OXNAD1: variants seen among roughly 807,000 people sequenced by gnomAD.
The protein encoded by OXNAD1 is oxidoreductase NAD binding domain containing 1.
In OXNAD1, 34 loss-of-function variants were observed where a neutral mutation model predicts 32.9. That is an observed-to-expected ratio of 1.03 (90% confidence interval 0.79 to 1.38). OXNAD1 has a LOEUF of 1.38. OXNAD1 is among the 40% of genes most tolerant of loss of function. OXNAD1 has a pLI of 0.00. For synonymous variants in OXNAD1, 134 were observed against 135.2 expected, an observed-to-expected ratio of 0.99 and a Z score of 0.06; for missense variants, 407 against 379.4, an observed-to-expected ratio of 1.07 and a Z score of -0.60.
Position 16,342,744 on chromosome 3 carries a change from G to A in OXNAD1, c.*31-6432G>A, listed in dbSNP as rs1014317173. Among the ~76,000 whole-genome samples, 14 of 152,202 alleles carry A rather than the reference G, an allele frequency of 9.2e-5. No homozygotes were observed. Among genetic ancestry groups the A allele is most frequent in the African/African-American group, 3.4e-4 (14 of 41,456 alleles). On this transcript the variant is annotated intron_variant, in intron 9 of 9. Transcript: ENST00000606098. This position sits in a 1 kb window ranked among gnomAD's most constrained non-coding sequence, Gnocchi z 4.0. ...TCACCCGAAAAGGATGTTTAAAGAGGCCACTGATTTAAAAGCTCTGTGTCA... is the reference window on the plus strand; with the variant it reads ...TCACCCGAAAAGGATGTTTAAAGAGACCACTGATTTAAAAGCTCTGTGTCA...
downstream of OXNAD1, chr3:16,339,731 C>T (rs901654785): frequency 2.6e-5 from 4 of 152,198 alleles, no homozygotes; most frequent in East Asian, 1.9e-4. Flanking sequence ...CTTGGTGCTT[C>T]GTTTTTCTGC....
In OXNAD1 at chr3:16,312,465, C is replaced by T. The variant is rs1275689828; in HGVS notation, c.*30+8873C>T. Reference sequence around the variant, plus strand: ...GTGCCGAGCTTCTCCTGGCCACACACACCAGTCATCCTCACCCTTCCCGTC... The same window carrying T: ...GTGCCGAGCTTCTCCTGGCCACACATACCAGTCATCCTCACCCTTCCCGTC... On this transcript the variant is annotated intron_variant, in intron 9 of 9. Transcript: ENST00000435829. The surrounding 1 kb of genome is among the most constrained non-coding windows in gnomAD (Gnocchi z 4.7). Among the ~76,000 whole-genome samples the T allele has an allele frequency of 6.6e-6, 1 of 152,194 alleles. No homozygotes were observed. The highest frequency in any genetic ancestry group is 2.4e-5 in the African/African-American group (1 of 41,466).
Position 16,265,238 on chromosome 3 carries a change from T to G in OXNAD1, c.-426T>G. 1 of 250,716 alleles carries G rather than the reference T, an allele frequency of 4.0e-6. No homozygotes were observed. The highest frequency in any genetic ancestry group is 7.8e-6 in the Non-Finnish European group (1 of 128,054). The allele number at this position is 250,716 out of a possible 1,614,324, so 15.5% of individuals were successfully genotyped here. On this transcript the variant is annotated 5_prime_UTR_variant, in exon 1 of 9. Coordinates refer to ENST00000285083, the MANE Select transcript of OXNAD1 (RefSeq NM_138381.5). This position sits in a 1 kb window ranked among gnomAD's most constrained non-coding sequence, Gnocchi z 4.8. Reference sequence around the variant, plus strand: ...TATTCCAGGCGCCTGCAACTAAACGTGGCCGGGTCTGCAAGCTAGGTGCCA... The same window carrying G: ...TATTCCAGGCGCCTGCAACTAAACGGGGCCGGGTCTGCAAGCTAGGTGCCA...
In OXNAD1 at chr3:16,271,070, AGG is replaced by A. The variant is rs2064897436; in HGVS notation, c.119_119+1del. 6.2e-7 allele frequency: 1 copy of A among 1,613,610 alleles called. No homozygotes were observed. The highest frequency in any genetic ancestry group is 1.3e-5 in the African/African-American group (1 of 74,902). ...CACTTTGCGCCACCTTACTCTAACC[AGG>A]TGAGTCATTAAGACTTCTGTGTCAT... is the stretch of plus-strand genomic sequence containing the variant. On this transcript the variant is annotated splice_donor_variant and coding_sequence_variant, in exon 3 of 9. Transcript: ENST00000285083. LOFTEE classifies it high-confidence loss of function. The surrounding 1 kb of genome is among the most constrained non-coding windows in gnomAD (Gnocchi z 4.6).
At chr3:16,308,492 C>T (rs2067724816), downstream of OXNAD1, among the ~76,000 whole-genome samples, 1 of 152,122 alleles carries the variant, frequency 6.6e-6, no homozygotes, top group Non-Finnish European at 1.5e-5. The surrounding 1 kb of genome is among the most constrained non-coding windows in gnomAD (Gnocchi z 4.4). Flanking sequence ...GCAATTTCCT[C>T]CATTCCTGGT....
chr3:16,323,863 C>T (rs1242643771), intron 9 of OXNAD1, among the ~76,000 whole-genome samples: 3 of 152,184 alleles, frequency 2.0e-5, no homozygotes, highest in South Asian at 4.1e-4. Context: ...CCAGCTGCTA[C>T]AGGACAGTGG....
At chr3:16,324,646 TTGTGTGTGTGTGTGTGTGTGTG>T (rs71632869) in intron 9 of OXNAD1, among the ~76,000 whole-genome samples, 6 of 100,474 alleles carry the variant, frequency 6.0e-5, no homozygotes, top group Admixed American at 1.1e-4. Flanking sequence ...TAGTATTCCA[TTGTGTGTGTGTGTGTGTGTGTG>T]TGTGTGTGTG....
In OXNAD1 at chr3:16,342,970, C is replaced by G. The variant is rs1055490646; in HGVS notation, c.*31-6206C>G. On this transcript the variant is annotated intron_variant, in intron 9 of 9. Transcript: ENST00000606098. This position sits in a 1 kb window ranked among gnomAD's most constrained non-coding sequence, Gnocchi z 4.0. Reference sequence around the variant, plus strand: ...GCCTCCCACTACAGCCCCTCTGAGTCGCTGGGAATACAGGCACACACCACC... The same window carrying G: ...GCCTCCCACTACAGCCCCTCTGAGTGGCTGGGAATACAGGCACACACCACC... 6.6e-6 allele frequency among the ~76,000 whole-genome samples: 1 copy of G among 152,110 alleles called. No homozygotes were observed. The highest frequency in any genetic ancestry group is 1.5e-5 in the Non-Finnish European group (1 of 68,010).
chr3:16,313,200 A>C (rs1575187549), intron 9 of OXNAD1, among the ~76,000 whole-genome samples: 1 of 97,778 alleles, frequency 1.0e-5, no homozygotes, highest in Admixed American at 9.4e-5. Context: ...CACCACACCC[A>C]GCGGATTTTT....
chr3:16,329,905 C>T lies in OXNAD1; in HGVS notation c.*31-7207C>T, dbSNP rs917392073. Among the ~76,000 whole-genome samples the T allele has an allele frequency of 4.6e-5, 7 of 152,094 alleles. No homozygotes were observed. Among genetic ancestry groups the T allele is most frequent in the Admixed American group, 2.0e-4 (3 of 15,260 alleles). On this transcript the variant is annotated intron_variant, in intron 9 of 9. Transcript: ENST00000435829. This position sits in a 1 kb window ranked among gnomAD's most constrained non-coding sequence, Gnocchi z 4.5. ...TGCATCTCGGGCCAGGTTTTCTCTG[C>T]GGGCACCCAGAGCTGCGAGACAATG...
chr3:16,268,789 A>G (rs754190026), intron 1 of OXNAD1, among the ~76,000 whole-genome samples: 2 of 152,194 alleles, frequency 1.3e-5, no homozygotes, highest in South Asian at 2.1e-4. Flanking sequence ...ATATTTAACA[A>G]TATAGTGGTT....
rs35510968 is a variant in OXNAD1 at position 16,327,761 on chromosome 3, CA to C, written c.*31-9340del. ...GGGTGACAGAGCGGGATTCCCATCT[CA>C]AAAAAAAAAACAAAACGAAAAAAAC... On this transcript the variant is annotated intron_variant, in intron 9 of 9. Coordinates refer to the OXNAD1 transcript ENST00000435829. The surrounding 1 kb of genome is among the most constrained non-coding windows in gnomAD (Gnocchi z 4.2). Among the ~76,000 whole-genome samples, 79,585 of 145,512 alleles carry C rather than the reference CA, an allele frequency of 0.55. 21,449 individuals are homozygous for C. The highest frequency in any genetic ancestry group is 0.57 in the Middle Eastern group (163 of 284).
intron 9 of OXNAD1, among the ~76,000 whole-genome samples, chr3:16,313,146 A>AGCAATTC (rs550164602): frequency 1.4e-3 from 202 of 149,400 alleles, no homozygotes; most frequent in African/African-American, 4.9e-3. Context: ...CCTGGGCTCA[A>AGCAATTC]GCAATTCTCT....
Position 16,316,820 on chromosome 3 carries a change from C to T in OXNAD1, c.*30+13228C>T. The T allele has an allele frequency of 6.2e-7, 1 of 1,613,486 alleles. No homozygotes were observed. Among genetic ancestry groups the T allele is most frequent in the East Asian group, 2.2e-5 (1 of 44,870 alleles). The stretch of plus-strand genomic sequence containing the variant: ...ACTCACCTAGTTTTAGCACAAATTG[C>T]CCAAGACTCAGTTTTCTTCAACCGT... On this transcript the variant is annotated intron_variant, in intron 9 of 9. Coordinates refer to the OXNAD1 transcript ENST00000435829. This position sits in a 1 kb window ranked among gnomAD's most constrained non-coding sequence, Gnocchi z 4.5.
intron 9 of OXNAD1, chr3:16,315,117 G>GTTTTGT (rs112251374): frequency 0.35 from 52,316 of 151,626 alleles, 9,869 homozygotes; most frequent in Non-Finnish European, 0.42. Context: ...AATGTTTGTG[G>GTTTTGT]TTTTGTTTTG....
At chr3:16,337,804 G>C (rs143235161), downstream of OXNAD1, among the ~76,000 whole-genome samples, 4,621 of 151,742 alleles carry the variant, frequency 0.03, 113 homozygotes, top group Middle Eastern at 0.083. This position sits in a 1 kb window ranked among gnomAD's most constrained non-coding sequence, Gnocchi z 5.0. Context: ...CAATGATATA[G>C]TTACTGCTGA....
chr3:16,328,722 C>T lies in OXNAD1; in HGVS notation c.*31-8390C>T, dbSNP rs1209864422. Among the ~76,000 whole-genome samples, 7 of 152,178 alleles carry T rather than the reference C, an allele frequency of 4.6e-5. No homozygotes were observed. In the South Asian group the frequency reaches 6.2e-4, roughly 14 times the overall value. ...ATCAGGAACTCCGGGAGTAGGGCCC[C>T]GGAATCTGTGTTTTAAAAAGCCCTT... is the stretch of plus-strand genomic sequence containing the variant. On this transcript the variant is annotated intron_variant, in intron 9 of 9. Transcript: ENST00000435829.
rs2069816870 is a variant in OXNAD1 at position 16,327,397 on chromosome 3, A to T, written c.*31-9715A>T. Among the ~76,000 whole-genome samples the T allele has an allele frequency of 6.6e-6, 1 of 152,236 alleles. No individual in the cohort carries two copies. The highest frequency in any genetic ancestry group is 2.4e-5 in the African/African-American group (1 of 41,456). On this transcript the variant is annotated intron_variant, in intron 9 of 9. Transcript: ENST00000435829. The surrounding 1 kb of genome is among the most constrained non-coding windows in gnomAD (Gnocchi z 4.2). ...GTGTTATGTGCCCTGCCTTGCAGGGATAAATGAATGCTGCCATGTTTTATT... is the reference window on the plus strand; with the variant it reads ...GTGTTATGTGCCCTGCCTTGCAGGGTTAAATGAATGCTGCCATGTTTTATT...
In OXNAD1 at chr3:16,322,965, A is replaced by G. The variant is rs140496080; in HGVS notation, c.*31-14147A>G. Among the ~76,000 whole-genome samples, 870 of 152,298 alleles carry G rather than the reference A, an allele frequency of 5.7e-3. 7 individuals are homozygous for G. Among genetic ancestry groups the G allele is most frequent in the African/African-American group, 0.02 (821 of 41,564 alleles). ...CCCCACACTTTTAATGTCCTAAGGA[A>G]TCTTAACAGGGCAGGCCAGAGCTCC... On this transcript the variant is annotated intron_variant, in intron 9 of 9. Coordinates refer to the OXNAD1 transcript ENST00000435829. The surrounding 1 kb of genome is among the most constrained non-coding windows in gnomAD (Gnocchi z 6.2).
Sources: gnomAD v4.1 joint callset for allele counts (sites outside exome capture counted in the v4.1 genomes callset) on GRCh38, gnomAD v4.1.1 for gene constraint, Gnocchi (gnomAD v3.1) non-coding constraint, MANE v1.5 for transcripts, NCBI Gene and HGNC (gene_info 2026-07-23, HGNC 2026-07-21) for gene names.